Variants in USP34 observed in about 807,000 individuals in gnomAD.
The protein encoded by USP34 is ubiquitin specific peptidase 34.
Under a neutral mutation model 460.3 loss-of-function variants are expected in USP34, and 70 were observed. The ratio of observed to expected loss-of-function variants is 0.15; its 90% CI spans 0.13 to 0.19. USP34 has a LOEUF of 0.19. Ranked by LOEUF, USP34 falls within the 10% of genes least tolerant of loss-of-function variation. The pLI, the probability that USP34 is intolerant of heterozygous loss-of-function variation, is 1.00. For synonymous variants in USP34, 1,647 were observed against 1,405.3 expected (o/e 1.17, Z -3.85); for missense variants, 3,985 against 4,236.2 (o/e 0.94, Z 1.65).
At chr2:61,436,341 G>A (rs1411995370) in intron 1 of USP34, among the ~76,000 whole-genome samples, 3 of 152,096 alleles carry the variant, frequency 2.0e-5, no homozygotes, top group Non-Finnish European at 2.9e-5. Context: ...GACACACATA[G>A]ACTAAAAGTG....
intron 75 of USP34, among the ~76,000 whole-genome samples, chr2:61,193,740 A>G (rs752799005): frequency 2.1e-4 from 32 of 152,052 alleles, no homozygotes; most frequent in Non-Finnish European, 3.2e-4. Context: ...AATCATGGAG[A>G]AGAAGAAATA....
At chr2:61,452,166 TC>T (rs1469727905) in intron 1 of USP34, among the ~76,000 whole-genome samples, 3 of 144,452 alleles carry the variant, frequency 2.1e-5, no homozygotes, top group Non-Finnish European at 4.5e-5. Flanking sequence ...AGAGCGAGAC[TC>T]CGTCTCAAAA....
intron 2 of USP34, among the ~76,000 whole-genome samples, chr2:61,409,789 A>G (rs1206121493): frequency 6.6e-6 from 1 of 152,168 alleles, no homozygotes; most frequent in African/African-American, 2.4e-5. Flanking sequence ...TAAGAAACTG[A>G]TGATCTTCAA....
intron 48 of USP34, chr2:61,249,804 C>A: frequency 6.4e-6 from 1 of 155,288 alleles, no homozygotes. Context: ...CTGTTTCTAC[C>A]AGTGACATGG....
At chr2:61,445,600 A>G (rs1428455348) in intron 1 of USP34, among the ~76,000 whole-genome samples, 26 of 151,968 alleles carry the variant, frequency 1.7e-4, no homozygotes, top group East Asian at 1.9e-4. Flanking sequence ...GACACAAAAA[A>G]GAAGAGCAAC....
Position 61,349,254 on chromosome 2 carries a change from T to C in USP34, c.1539A>G (p.Ser513=). 1 of 1,613,304 alleles carries C rather than the reference T, an allele frequency of 6.2e-7. No individual in the cohort carries two copies. ...AATTTCTAAGGCTCAACTTACAAGG[T>C]GATGGAGCTGTTCTTCTAAGCTCTT... ...EEEELRRTAP[S]PWSPAASPQS... is the part of the protein sequence containing the mutation. Residue 513 remains serine, a synonymous_variant, in exon 13 of 80, where the codon TCA becomes TCG. Coordinates refer to ENST00000398571, the MANE Select transcript of USP34 (RefSeq NM_014709.4).
intron 10 of USP34, among the ~76,000 whole-genome samples, chr2:61,368,268 C>A (rs909400520): frequency 6.6e-6 from 1 of 152,112 alleles, no homozygotes; most frequent in Non-Finnish European, 1.5e-5. Context: ...CCGGTCTCTA[C>A]TAAAAACACA....
intron 75 of USP34, among the ~76,000 whole-genome samples, chr2:61,196,325 C>T (rs1686808423): frequency 6.6e-6 from 1 of 150,744 alleles, no homozygotes; most frequent in Non-Finnish European, 1.5e-5. Context: ...CTCCTGACCT[C>T]GTGATCCACC....
At chr2:61,287,666 A>C (rs975684253) in intron 34 of USP34, among the ~76,000 whole-genome samples, 3 of 152,190 alleles carry the variant, frequency 2.0e-5, no homozygotes, top group African/African-American at 7.2e-5. Context: ...TGATTTTCTT[A>C]ACACTTTCTT....
intron 67 of USP34, among the ~76,000 whole-genome samples, chr2:61,217,326 G>C (rs190534514): frequency 7.9e-5 from 12 of 152,244 alleles, no homozygotes; most frequent in African/African-American, 2.4e-4. Flanking sequence ...GCAACTCTAA[G>C]ACACTAATGT....
At chr2:61,232,313 T>G in intron 58 of USP34, 139 bp downstream of exon 58, 1 of 697,808 alleles carries the variant, frequency 1.4e-6, no homozygotes, top group Non-Finnish European at 2.4e-6. Flanking sequence ...AACAACAAAA[T>G]GACTTTTATG....
intron 75 of USP34, among the ~76,000 whole-genome samples, chr2:61,196,280 C>T (rs1291037622): frequency 3.4e-5 from 5 of 148,130 alleles, no homozygotes; most frequent in African/African-American, 7.5e-5. Flanking sequence ...TTAGTAGAGA[C>T]GGGGTTTCAC....
intron 48 of USP34, among the ~76,000 whole-genome samples, chr2:61,253,555 T>C (rs764593627): frequency 6.6e-6 from 1 of 152,180 alleles, no homozygotes; most frequent in Non-Finnish European, 1.5e-5. Flanking sequence ...GAAAAATGAA[T>C]ACCATCCCTT....
chr2:61,286,355 A>T (rs924305909), intron 34 of USP34, among the ~76,000 whole-genome samples: 9 of 152,160 alleles, frequency 5.9e-5, no homozygotes, highest in Non-Finnish European at 7.3e-5. Flanking sequence ...CTTTTCTAAA[A>T]TTAAAAAAAA....
intron 75 of USP34, 110 bp from the exon 76 acceptor site, chr2:61,193,090 T>A (rs1219030809): frequency 2.4e-6 from 2 of 827,996 alleles, no homozygotes; most frequent in East Asian, 5.5e-5. Flanking sequence ...ACTGCATATT[T>A]TCTATATTTT....
chr2:61,458,288 C>CG (rs1297104672), intron 1 of USP34, among the ~76,000 whole-genome samples: 1 of 151,910 alleles, frequency 6.6e-6, no homozygotes, highest in Non-Finnish European at 1.5e-5. Context: ...AGGCCAGGCA[C>CG]GGGGGTTCAC....
At chr2:61,452,534 A>G (rs1695314733) in intron 1 of USP34, among the ~76,000 whole-genome samples, 1 of 151,870 alleles carries the variant, frequency 6.6e-6, no homozygotes, top group Non-Finnish European at 1.5e-5. Flanking sequence ...CATGTTGGTC[A>G]GGCTGGTCTC....
At chr2:61,375,172 G>A (rs980413516) in intron 8 of USP34, among the ~76,000 whole-genome samples, 3 of 151,998 alleles carry the variant, frequency 2.0e-5, no homozygotes, top group African/African-American at 7.2e-5. Flanking sequence ...AATAATTAGG[G>A]AAATGCAAAT....
intron 76 of USP34, among the ~76,000 whole-genome samples, chr2:61,192,300 A>G (rs1340474964): frequency 2.0e-5 from 3 of 152,242 alleles, no homozygotes; most frequent in African/African-American, 7.2e-5. Context: ...TGAGCCAAAC[A>G]TTAGTACCTC....
Sources: gnomAD v4.1 joint callset for allele counts (sites outside exome capture counted in the v4.1 genomes callset) on GRCh38, gnomAD v4.1.1 for gene constraint, MANE v1.5 for transcripts, NCBI Gene and HGNC (gene_info 2026-07-23, HGNC 2026-07-21) for gene names.